UBN2: variants seen among roughly 807,000 people sequenced by gnomAD.
UBN2 encodes ubinuclein-2.
Under a neutral mutation model 120.2 loss-of-function variants are expected in UBN2, and 35 were observed. The ratio of observed to expected loss-of-function variants is 0.29; its 90% CI spans 0.22 to 0.39. The LOEUF is 0.39. UBN2 is among the 10% of genes least tolerant of loss of function. UBN2 has a pLI of 1.00. For missense variants in UBN2, 1,693 were observed against 1,663.2 expected, an observed-to-expected ratio of 1.02 and a Z score of -0.31; for synonymous variants, 661 against 648.7, an observed-to-expected ratio of 1.02 and a Z score of -0.29.
chr7:139,256,050 G>A (rs191941027), intron 3 of UBN2, among the ~76,000 whole-genome samples: 2 of 152,234 alleles, frequency 1.3e-5, no homozygotes, highest in Admixed American at 1.3e-4. Flanking sequence ...TCTAAATCCA[G>A]GCCTTTTGAT....
At chr7:139,290,585 G>A (rs1015917391) in intron 15 of UBN2, among the ~76,000 whole-genome samples, 2 of 152,228 alleles carry the variant, frequency 1.3e-5, no homozygotes, top group African/African-American at 4.8e-5. Context: ...GAACCCATTG[G>A]AGAAGATGAT....
At chr7:139,237,135 C>T in intron 2 of UBN2, 38 bp downstream of exon 2, 4 of 1,468,370 alleles carry the variant, frequency 2.7e-6, no homozygotes, top group Non-Finnish European at 3.8e-6. Flanking sequence ...TAATTTTATC[C>T]TATTGACCTG....
intron 6 of UBN2, among the ~76,000 whole-genome samples, chr7:139,265,587 GTGT>G (rs1797074285): frequency 6.6e-6 from 1 of 152,240 alleles, no homozygotes; most frequent in African/African-American, 2.4e-5. Flanking sequence ...ATCTGTGTGT[GTGT>G]GATTAAGTTA....
the UBN2 span, among the ~76,000 whole-genome samples, chr7:139,313,467 T>C: frequency 1.3e-5 from 2 of 152,230 alleles, no homozygotes; most frequent in African/African-American, 2.4e-5. Context: ...TAAACTGTTA[T>C]TCTAATAATT....
At chr7:139,246,350 A>G (rs1477808276) in intron 2 of UBN2, among the ~76,000 whole-genome samples, 1 of 152,210 alleles carries the variant, frequency 6.6e-6, no homozygotes, top group Non-Finnish European at 1.5e-5. Context: ...GAGCGGCAAC[A>G]GAGTGAGACT....
intron 2 of UBN2, among the ~76,000 whole-genome samples, chr7:139,249,140 G>C (rs1228317215): frequency 6.6e-6 from 1 of 151,926 alleles, no homozygotes; most frequent in Non-Finnish European, 1.5e-5. Flanking sequence ...CAAGATGTTG[G>C]TTCCTAGAAT....
At position 139,306,949 on chromosome 7, in the gene UBN2, A is replaced by G. The variant is rs553811981; in HGVS notation, c.*9113A>G. On this transcript the variant is annotated 3_prime_UTR_variant, in exon 18 of 18. Transcript: ENST00000473989. ...TTACCGAACTCCAGACCTATTTGCT[A>G]TAACTGATTGGAAATAATGATTCTG... is the stretch of plus-strand genomic sequence containing the variant. 2 of 152,368 alleles carry G rather than the reference A, an allele frequency of 1.3e-5. No individual in the cohort carries two copies. Among genetic ancestry groups the G allele is most frequent in the East Asian group, 1.9e-4 (1 of 5,190 alleles). The allele number at this position is 152,368 out of a possible 1,614,324, so 9.4% of individuals were successfully genotyped here.
rs1332006259 is a variant in UBN2, at chr7:139,283,005, A to G, written c.2119-19A>G. 2.7e-6 allele frequency: 4 copies of G among 1,490,212 alleles called. No homozygotes were observed. The highest frequency in any genetic ancestry group is 3.6e-6 in the Non-Finnish European group (4 of 1,115,412). 92.3% of individuals were successfully genotyped at this position (1,490,212 alleles called of 1,614,324 possible). On this transcript the variant is annotated intron_variant, in intron 14 of 17. Coordinates refer to ENST00000473989, the MANE Select transcript of UBN2 (RefSeq NM_173569.4). ...TTATTCACCATTTCTATTTTTTTCC[A>G]TATGATGCTTTACATTAGGAGTGTA...
chr7:139,321,399 A>G, the UBN2 span, among the ~76,000 whole-genome samples: 1 of 152,212 alleles, frequency 6.6e-6, no homozygotes, highest in Admixed American at 6.5e-5. Context: ...AAAGTGTGAC[A>G]TGTCTTCTGG....
Position 139,231,785 on chromosome 7 carries a change from C to T in UBN2, c.301C>T (p.Pro101Ser), listed in dbSNP as rs1427331989. The T allele has an allele frequency of 9.3e-5, 128 of 1,369,222 alleles. No homozygotes were observed. Among genetic ancestry groups the T allele is most frequent in the Non-Finnish European group, 1.2e-4 (123 of 1,060,994 alleles). The allele number at this position is 1,369,222 out of a possible 1,614,324, so 84.8% of individuals were successfully genotyped here. A position where few individuals can be genotyped will look rare whatever the true frequency, so the allele number is the denominator to read the frequency against. The change falls in exon 1 of 18, where the codon CCG becomes TCG. Residue 101 changes from proline (P) to serine (S), a missense_variant. Physicochemically the swap from Pro to Ser is moderately conservative, Grantham distance 74. Coordinates refer to ENST00000473989, the MANE Select transcript of UBN2 (RefSeq NM_173569.4). ...GCCCGAGCCGCCGCCGCCGTTCCCG[C>T]CGCTGCCCTTGCAGCCGCCCCCGCC... is the stretch of plus-strand genomic sequence containing the variant. ...PRPEPPPPFPPLPLQPPPPRE... is the reference protein window; with the variant it reads ...PRPEPPPPFPSLPLQPPPPRE...
At position 139,299,441 on chromosome 7, in the gene UBN2, G is replaced by A. The variant is rs2131080414; in HGVS notation, c.*1605G>A. 1 of 152,142 alleles carries A rather than the reference G, an allele frequency of 6.6e-6. No individual in the cohort carries two copies. Among genetic ancestry groups the A allele is most frequent in the Admixed American group, 6.5e-5 (1 of 15,284 alleles). 9.4% of individuals were successfully genotyped at this position (152,142 alleles called of 1,614,324 possible). On this transcript the variant is annotated 3_prime_UTR_variant, in exon 18 of 18. Coordinates refer to ENST00000473989, the MANE Select transcript of UBN2 (RefSeq NM_173569.4). ...ACACAAAAGTCCCAGATACCCTACA[G>A]GACTGTGAATAAATAACCACAGATC...
At chr7:139,327,323 G>T in the UBN2 span, among the ~76,000 whole-genome samples, 1 of 152,326 alleles carries the variant, frequency 6.6e-6, no homozygotes, top group African/African-American at 2.4e-5. Flanking sequence ...GTGAGCCACT[G>T]CACCCAGCCC....
chr7:139,284,915 C>CT (rs1563224474), intron 15 of UBN2, among the ~76,000 whole-genome samples: 1 of 152,160 alleles, frequency 6.6e-6, no homozygotes, highest in Non-Finnish European at 1.5e-5. Flanking sequence ...CAAACTTTCT[C>CT]TCTTATCAAA....
chr7:139,281,646 CTA>C (rs1292876358), intron 13 of UBN2, among the ~76,000 whole-genome samples: 1 of 152,104 alleles, frequency 6.6e-6, no homozygotes, highest in African/African-American at 2.4e-5. Context: ...GCACAGTATT[CTA>C]TTAGAGTGGA....
downstream of UBN2, among the ~76,000 whole-genome samples, chr7:139,311,442 C>T (rs1405380834): frequency 2.6e-5 from 4 of 152,190 alleles, no homozygotes; most frequent in Admixed American, 2.6e-4. Flanking sequence ...AGCAGACAGA[C>T]GGGTTCACAA....
chr7:139,252,203 C>CTT (rs35028623), intron 3 of UBN2, 146 bp downstream of exon 3: 661 of 442,242 alleles, frequency 1.5e-3, no homozygotes, highest in Non-Finnish European at 1.8e-3. Context: ...TTTCTTTACC[C>CTT]TTTTTTTTTT....
chr7:139,266,295 C>T lies in UBN2; in HGVS notation c.1396-38C>T, dbSNP rs745337812. On this transcript the variant is annotated intron_variant, in intron 6 of 17. Transcript: ENST00000473989. ...CTAAGAATGCAAAATAGAGTAATGGCCTATTTTGATTTATTATCATCTTTC... is the reference window on the plus strand; with the variant it reads ...CTAAGAATGCAAAATAGAGTAATGGTCTATTTTGATTTATTATCATCTTTC... The T allele has an allele frequency of 3.9e-6, 5 of 1,282,278 alleles. No homozygotes were observed. In the African/African-American group the frequency reaches 4.6e-5, roughly 12 times the overall value. The allele number at this position is 1,282,278 out of a possible 1,614,324, so 79.4% of individuals were successfully genotyped here.
rs376962496 is a variant in UBN2, at chr7:139,283,126, T to C, written c.2221T>C (p.Ser741Pro). ...SSTAAIAAAS[S>P]SSAPAQETIC... is the part of the protein sequence containing the mutation. ...CACAGCTGCCATTGCTGCAGCTAGCTCTAGCTCTGCACCAGCCCAAGAAAC... is the reference window on the plus strand; with the variant it reads ...CACAGCTGCCATTGCTGCAGCTAGCCCTAGCTCTGCACCAGCCCAAGAAAC... Residue 741 changes from serine to proline, a missense_variant, in exon 15 of 18, where the codon TCT (serine) becomes CCT (proline). Around this residue, in one of 5 missense-constraint regions of UBN2, gnomAD observed 837 missense variants for 817.6 expected, o/e 1.02. Coordinates refer to ENST00000473989, the MANE Select transcript of UBN2 (RefSeq NM_173569.4). The C allele has an allele frequency of 1.2e-6, 2 of 1,612,570 alleles. No homozygotes were observed. Among genetic ancestry groups the C allele is most frequent in the African/African-American group, 2.7e-5 (2 of 74,344 alleles).
At chr7:139,262,546 A>C (rs1796969616) in intron 6 of UBN2, among the ~76,000 whole-genome samples, 1 of 152,064 alleles carries the variant, frequency 6.6e-6, no homozygotes. Flanking sequence ...CCCTGTCTCT[A>C]CTAAAAATAC....
Sources: allele counts gnomAD v4.1 joint callset (sites outside exome capture counted in the v4.1 genomes callset), GRCh38; gene constraint gnomAD v4.1.1; regional missense constraint gnomAD v4.1.1; transcripts MANE v1.5; gene names NCBI Gene and HGNC (gene_info 2026-07-23, HGNC 2026-07-21).